Variants in MMUT observed in about 807,000 individuals in gnomAD.
The protein encoded by MMUT is methylmalonyl-CoA mutase.
In MMUT, 79 loss-of-function variants were observed where a neutral mutation model predicts 79.9. That is an observed-to-expected ratio of 0.99 (90% CI 0.82 to 1.19). The LOEUF is 1.19. Among genes scored for constraint, MMUT ranks in the 50% most tolerant of loss-of-function variants. The pLI, the probability that MMUT is intolerant of heterozygous loss-of-function variation, is 0.00. For missense variants in MMUT, 860 were observed against 917.2 expected (o/e 0.94, Z 0.81); for synonymous variants, 273 against 295.7 (o/e 0.92, Z 0.79).
chr6:49,430,946 G>A lies in MMUT; in HGVS notation c.*782C>T, dbSNP rs1766957038. 1 of 152,092 alleles carries A rather than the reference G, an allele frequency of 6.6e-6. No individual in the cohort carries two copies. Among genetic ancestry groups the A allele is most frequent in the Non-Finnish European group, 1.5e-5 (1 of 68,008 alleles). 9.4% of individuals were successfully genotyped at this position (152,092 alleles called of 1,614,324 possible). On this transcript the variant is annotated 3_prime_UTR_variant, in exon 13 of 13. Transcript: ENST00000274813. ...TGCAAGGTAGCATCTTTCTAGATCT[G>A]GAAAGTTGAATTCTTTCTATATCAC...
chr6:49,459,383 T>C lies in MMUT; in HGVS notation c.84A>G (p.Ile28Met). ...GTTGCTGGTGTAGAAGTCGTTGCTG[T>C]ATGAGCCTGGAGCCTGATGATTCTT... ...QVKESSGSRL[I>M]QQRLLHQQQP... is the part of the protein sequence containing the mutation. The change falls in exon 2 of 13, where the codon ATA (isoleucine) becomes ATG (methionine). Residue 28 changes from isoleucine to methionine, a missense_variant. Physicochemically the swap from Ile to Met is conservative, Grantham distance 10. Coordinates refer to ENST00000274813, the MANE Select transcript of MMUT (RefSeq NM_000255.4). 3.7e-6 allele frequency: 6 copies of C among 1,613,716 alleles called. No individual in the cohort carries two copies. Among genetic ancestry groups the C allele is most frequent in the South Asian group, 3.3e-5 (3 of 91,032 alleles).
At chr6:49,436,643 A>G (rs1767138054) in intron 11 of MMUT, among the ~76,000 whole-genome samples, 1 of 151,934 alleles carries the variant, frequency 6.6e-6, no homozygotes, top group Non-Finnish European at 1.5e-5. Context: ...ATGTATGTTC[A>G]TTGTAGCACT....
chr6:49,432,727 T>C (rs1767019804), intron 12 of MMUT, among the ~76,000 whole-genome samples: 1 of 152,144 alleles, frequency 6.6e-6, no homozygotes, highest in African/African-American at 2.4e-5. Flanking sequence ...AGTGAAAAGA[T>C]ATCAAGGGCA....
intron 4 of MMUT, 128 bp downstream of exon 4, chr6:49,455,952 C>A (rs965952928): frequency 1.2e-6 from 1 of 843,534 alleles, no homozygotes; most frequent in African/African-American, 1.7e-5. Context: ...CTCATTATCA[C>A]TCAGATAAAA....
At chr6:49,446,809 A>G (rs1055104896) in intron 8 of MMUT, among the ~76,000 whole-genome samples, 2 of 151,824 alleles carry the variant, frequency 1.3e-5, no homozygotes, top group Non-Finnish European at 3.0e-5. Flanking sequence ...TAATAACCTA[A>G]AGTATAACAG....
At chr6:49,450,229 TAAAA>T (rs771420446) in intron 6 of MMUT, among the ~76,000 whole-genome samples, 1 of 124,740 alleles carries the variant, frequency 8.0e-6, no homozygotes. Flanking sequence ...GACTCTGTCT[TAAAA>T]AAAAAAAAAA....
rs1253811650 is a variant in MMUT, at chr6:49,431,071, T to C, written c.*657A>G. 6.6e-6 allele frequency: 1 copy of C among 152,244 alleles called. No individual in the cohort carries two copies. Among genetic ancestry groups the C allele is most frequent in the East Asian group, 1.9e-4 (1 of 5,202 alleles). The allele number at this position is 152,244 out of a possible 1,614,324, so 9.4% of individuals were successfully genotyped here. Reference sequence around the variant, plus strand: ...AATGTTCATCAACATCCACTCTCCTTGGTCTTGAGCCAAGCCCAGAAATAA... The same window carrying C: ...AATGTTCATCAACATCCACTCTCCTCGGTCTTGAGCCAAGCCCAGAAATAA... On this transcript the variant is annotated 3_prime_UTR_variant, in exon 13 of 13. Coordinates refer to ENST00000274813, the MANE Select transcript of MMUT (RefSeq NM_000255.4).
At chr6:49,462,263 C>T (rs1006476689) in intron 1 of MMUT, among the ~76,000 whole-genome samples, 1 of 152,160 alleles carries the variant, frequency 6.6e-6, no homozygotes, top group Non-Finnish European at 1.5e-5. Context: ...ATTAATCCCA[C>T]CCCCACACCT....
At chr6:49,447,849 T>C (rs1767449913) in intron 7 of MMUT, 64 bp from the exon 8 acceptor site, 1 of 901,626 alleles carries the variant, frequency 1.1e-6, no homozygotes, top group African/African-American at 1.7e-5. Flanking sequence ...GCTCTGGTTA[T>C]GATGTATTTT....
At position 49,448,843 on chromosome 6, in the gene MMUT, C is replaced by A. The variant is rs188766510; in HGVS notation, c.1417G>T (p.Ala473Ser). 1.6e-4 allele frequency: 260 copies of A among 1,613,372 alleles called. No individual in the cohort carries two copies. The highest frequency in any genetic ancestry group is 9.0e-4 in the Admixed American group (54 of 59,992). The change falls in exon 7 of 13, where the codon GCC becomes TCC. Residue 473 changes from alanine (A) to serine (S), a missense_variant. By Grantham distance (99) the Ala-to-Ser change is moderately conservative (BLOSUM62 1). Transcript: ENST00000274813. Reference protein sequence around the residue: ...IPKLRIEECAARRQARIDSGS... With the variant: ...IPKLRIEECASRRQARIDSGS... ...GAATCTATTCTAGCTTGTCTTCGGG[C>A]AGCACATTCTTCAATTCGAAGTTTA...
chr6:49,440,488 G>GT (rs370761357), intron 10 of MMUT, 135 bp from the exon 11 acceptor site: 15,218 of 789,782 alleles, frequency 0.019, no homozygotes, highest in East Asian at 0.024. Flanking sequence ...ATTTTGGGTT[G>GT]TTTTTTTTTT....
Position 49,451,543 on chromosome 6 carries a change from G to C in MMUT, c.1255C>G (p.Pro419Ala). The C allele has an allele frequency of 6.2e-7, 1 of 1,614,060 alleles. No individual in the cohort carries two copies. Among genetic ancestry groups the C allele is most frequent in the Non-Finnish European group, 8.5e-7 (1 of 1,180,006 alleles). The change falls in exon 6 of 13, where the codon CCC (proline) becomes GCC (alanine). Residue 419 changes from proline to alanine, a missense_variant. Coordinates refer to ENST00000274813, the MANE Select transcript of MMUT (RefSeq NM_000255.4). The part of the protein sequence containing the change: ...QIIIQEESGI[P>A]KVADPWGGSY... ...CCTCCCCAAGGATCAGCCACTTTGG[G>C]AATCCCAGATTCTTCTTGAATGATG...
At position 49,451,500 on chromosome 6, in the gene MMUT, C is replaced by T. The variant is rs1178638638; in HGVS notation, c.1298G>A (p.Cys433Tyr). ...DPWGGSYMME[C>Y]LTNDVYDAAL... ...AGCATCATAAACATCATTTGTGAGA[C>T]ATTCCATCATGTAAGAACCTCCCCA... Residue 433 changes from cysteine to tyrosine, a missense_variant, in exon 6 of 13, where the codon TGT (cysteine) becomes TAT (tyrosine). Physicochemically the swap from Cys to Tyr is radical, Grantham distance 194. Coordinates refer to ENST00000274813, the MANE Select transcript of MMUT (RefSeq NM_000255.4). 1.9e-6 allele frequency: 3 copies of T among 1,614,092 alleles called. No homozygotes were observed. Among genetic ancestry groups the T allele is most frequent in the Non-Finnish European group, 2.5e-6 (3 of 1,180,006 alleles).
At chr6:49,448,175 A>AC in intron 7 of MMUT, among the ~76,000 whole-genome samples, 1 of 152,030 alleles carries the variant, frequency 6.6e-6, no homozygotes, top group East Asian at 1.9e-4. Flanking sequence ...CAAAAAAAGA[A>AC]CCCTTCTATA....
chr6:49,461,811 G>T (rs1321447924), intron 1 of MMUT, among the ~76,000 whole-genome samples: 1 of 151,954 alleles, frequency 6.6e-6, no homozygotes, highest in East Asian at 1.9e-4. Context: ...ATACTAGCAC[G>T]ATTTTTATTC....
At chr6:49,460,465 T>C (rs1171915655) in intron 1 of MMUT, among the ~76,000 whole-genome samples, 2 of 152,212 alleles carry the variant, frequency 1.3e-5, no homozygotes, top group African/African-American at 2.4e-5. Context: ...TGCTCCAACA[T>C]TAGAGCTGCA....
At chr6:49,454,846 T>C (rs1022686027) in intron 4 of MMUT, among the ~76,000 whole-genome samples, 2 of 152,118 alleles carry the variant, frequency 1.3e-5, no homozygotes, top group Non-Finnish European at 2.9e-5. Context: ...AGGAGTTTGA[T>C]ACCAGCTAGG....
At position 49,440,246 on chromosome 6, in the gene MMUT, G is replaced by A. The variant is rs1767237440; in HGVS notation, c.1916C>T (p.Ala639Val). 6.2e-7 allele frequency: 1 copy of A among 1,614,076 alleles called. No homozygotes were observed. The highest frequency in any genetic ancestry group is 8.5e-7 in the Non-Finnish European group (1 of 1,179,966). Residue 639 changes from alanine to valine, a missense_variant, in exon 11 of 13, where the codon GCT becomes GTT. Physicochemically the swap from Ala to Val is moderately conservative, Grantham distance 64 (BLOSUM62 0). Coordinates refer to ENST00000274813, the MANE Select transcript of MMUT (RefSeq NM_000255.4). ...TATGTCCACATCAAAACCAAGATCA[G>A]CAAATCCTGTAGCAATAACTTTTGC... ...RGAKVIATGF[A>V]DLGFDVDIGP...
At chr6:49,460,633 CAG>C (rs1767818219) in intron 1 of MMUT, among the ~76,000 whole-genome samples, 2 of 152,170 alleles carry the variant, frequency 1.3e-5, no homozygotes, top group Admixed American at 1.3e-4. Flanking sequence ...TAAAACTTGT[CAG>C]AGTCATACAG....
Sources: gnomAD v4.1 joint callset for allele counts (sites outside exome capture counted in the v4.1 genomes callset) on GRCh38, gnomAD v4.1.1 for gene constraint, MANE v1.5 for transcripts, NCBI Gene and HGNC (gene_info 2026-07-23, HGNC 2026-07-21) for gene names.